The following ME1 variants were observed in gnomAD, a reference collection of about 807,000 sequenced individuals.
ME1 encodes malic enzyme 1.
ME1 carries 74 observed loss-of-function variants against 66.4 expected under a neutral mutation model. The observed-to-expected ratio is 1.11, with a 90% CI of 0.92 to 1.35. ME1 has a LOEUF of 1.35. Ranked by LOEUF, ME1 falls within the 40% of genes most tolerant of loss-of-function variation. ME1 has a pLI of 0.00. For synonymous variants in ME1, 251 were observed against 235.6 expected (o/e 1.07, Z -0.60); for missense variants, 750 against 694.1 (o/e 1.08, Z -0.90).
intron 6 of ME1, among the ~76,000 whole-genome samples, chr6:83,293,270 T>C (rs1319836975): frequency 6.6e-6 from 1 of 152,174 alleles, no homozygotes; most frequent in East Asian, 1.9e-4. Flanking sequence ...TATTCGGCCA[T>C]CTTGGAAGTG....
At chr6:83,427,055 C>T (rs945535761) in intron 1 of ME1, among the ~76,000 whole-genome samples, 1 of 152,056 alleles carries the variant, frequency 6.6e-6, no homozygotes, top group Non-Finnish European at 1.5e-5. Flanking sequence ...AAACACAACT[C>T]ATCTATATTA....
chr6:83,215,935 A>G (rs1399312220), intron 13 of ME1, among the ~76,000 whole-genome samples: 6 of 152,248 alleles, frequency 3.9e-5, no homozygotes, highest in African/African-American at 1.2e-4. Context: ...CTTCCAGTTT[A>G]GTTACAGAAA....
chr6:83,424,080 G>A (rs1770322419), intron 1 of ME1, among the ~76,000 whole-genome samples: 1 of 140,050 alleles, frequency 7.1e-6, no homozygotes, highest in South Asian at 2.2e-4. Context: ...CTGGATAACA[G>A]AGCAAGACCC....
At chr6:83,311,245 A>T (rs1767926148) in intron 6 of ME1, among the ~76,000 whole-genome samples, 2 of 152,190 alleles carry the variant, frequency 1.3e-5, no homozygotes, top group South Asian at 4.1e-4. Flanking sequence ...AGGAGCCACA[A>T]GACCAGTATT....
chr6:83,422,995 G>A (rs1192564031), intron 1 of ME1, among the ~76,000 whole-genome samples: 1 of 151,942 alleles, frequency 6.6e-6, no homozygotes, highest in Admixed American at 6.6e-5. Context: ...TATACTTACA[G>A]AATCAGGAAG....
At chr6:83,252,279 CTGTTGTTGTTGTT>C (rs2128528033) in intron 7 of ME1, among the ~76,000 whole-genome samples, 1 of 144,182 alleles carries the variant, frequency 6.9e-6, no homozygotes, top group East Asian at 2.7e-4. Flanking sequence ...GTTGTTGTTG[CTGTTGTTGTTGTT>C]GCTGTTGTTG....
At chr6:83,387,213 A>T (rs1355425752) in intron 3 of ME1, among the ~76,000 whole-genome samples, 1 of 152,206 alleles carries the variant, frequency 6.6e-6, no homozygotes, top group Non-Finnish European at 1.5e-5. Flanking sequence ...ACATGAAAAA[A>T]GCCAGGTAGA....
chr6:83,258,691 C>T (rs2128529039), intron 6 of ME1, among the ~76,000 whole-genome samples: 1 of 152,212 alleles, frequency 6.6e-6, no homozygotes, highest in Admixed American at 6.6e-5. Flanking sequence ...CAGGGATTAT[C>T]TCAATTCTGT....
intron 3 of ME1, among the ~76,000 whole-genome samples, chr6:83,396,709 C>T (rs1769738324): frequency 6.6e-6 from 1 of 152,118 alleles, no homozygotes; most frequent in Non-Finnish European, 1.5e-5. Flanking sequence ...TATCATACTA[C>T]CTGATTTCAA....
chr6:83,430,697 AC>A (rs1770468613), intron 1 of ME1, among the ~76,000 whole-genome samples, 179 bp downstream of exon 1: 1 of 152,186 alleles, frequency 6.6e-6, no homozygotes, highest in Non-Finnish European at 1.5e-5. Flanking sequence ...GTGGATACGG[AC>A]CCGATTAGGC....
At chr6:83,302,880 A>G (rs1010544884) in intron 6 of ME1, among the ~76,000 whole-genome samples, 1 of 152,166 alleles carries the variant, frequency 6.6e-6, no homozygotes, top group Non-Finnish European at 1.5e-5. Context: ...ATTTATATGT[A>G]GGTGAAAACA....
intron 3 of ME1, among the ~76,000 whole-genome samples, chr6:83,386,201 C>T (rs1769500266): frequency 6.6e-6 from 1 of 151,802 alleles, no homozygotes; most frequent in Non-Finnish European, 1.5e-5. Context: ...TAATATTTAA[C>T]ATTAAAATGA....
intron 3 of ME1, among the ~76,000 whole-genome samples, chr6:83,374,520 C>A (rs780430597): frequency 6.6e-6 from 1 of 152,056 alleles, no homozygotes; most frequent in Non-Finnish European, 1.5e-5. Flanking sequence ...TGGTAGATTG[C>A]AAAAATTTTC....
intron 6 of ME1, among the ~76,000 whole-genome samples, chr6:83,276,662 A>C (rs909750745): frequency 6.6e-6 from 1 of 152,204 alleles, no homozygotes; most frequent in African/African-American, 2.4e-5. Context: ...TTTAATTCTG[A>C]ATGTTTCTGA....
At chr6:83,393,515 C>A in intron 3 of ME1, 1 of 351,082 alleles carries the variant, frequency 2.8e-6, no homozygotes, top group South Asian at 5.7e-5. Flanking sequence ...GAGAATCTCC[C>A]CTCCTCATAG....
chr6:83,349,523 C>T (rs1002879073), intron 4 of ME1, among the ~76,000 whole-genome samples: 3 of 152,266 alleles, frequency 2.0e-5, no homozygotes, highest in Admixed American at 6.5e-5. Context: ...GTATGAAATA[C>T]GCAGATTTCT....
chr6:83,272,668 T>G (rs1040430762), intron 6 of ME1, among the ~76,000 whole-genome samples: 1 of 152,138 alleles, frequency 6.6e-6, no homozygotes, highest in African/African-American at 2.4e-5. Context: ...AAGGATTAGA[T>G]TCAAACAACT....
chr6:83,243,088 C>T (rs557353815), intron 7 of ME1, among the ~76,000 whole-genome samples: 3 of 151,070 alleles, frequency 2.0e-5, no homozygotes, highest in Non-Finnish European at 2.9e-5. Flanking sequence ...AGATACCCAT[C>T]TCTACCCCCC....
rs775833118 is a variant in ME1 at position 83,315,414 on chromosome 6, C to G, written c.601-1G>C. 67 of 1,538,270 alleles carry G rather than the reference C, an allele frequency of 4.4e-5. No individual in the cohort carries two copies. Among genetic ancestry groups the G allele is most frequent in the Non-Finnish European group, 5.5e-5 (62 of 1,125,678 alleles). ...TGTAGAGTGGATCTTTAAGTAACTC[C>G]TATTAAAAAAAGTTACCATAAAAAT... On this transcript the variant is annotated splice_acceptor_variant, in intron 5 of 13. Coordinates refer to ENST00000369705, the MANE Select transcript of ME1 (RefSeq NM_002395.6). LOFTEE classifies it high-confidence loss of function.
Sources: allele counts gnomAD v4.1 joint callset (sites outside exome capture counted in the v4.1 genomes callset), GRCh38; gene constraint gnomAD v4.1.1; transcripts MANE v1.5; gene names NCBI Gene and HGNC (gene_info 2026-07-23, HGNC 2026-07-21).